Variants in DERA observed in about 807,000 individuals in gnomAD.
DERA encodes the protein deoxyribose-phosphate aldolase.
Under a neutral mutation model 41.1 loss-of-function variants are expected in DERA, and 15 were observed. The observed-to-expected ratio is 0.37, with a 90% CI of 0.24 to 0.56. DERA has a LOEUF of 0.56. DERA is among the 20% of genes least tolerant of loss of function. The pLI, the probability that DERA is intolerant of heterozygous loss-of-function variation, is 0.81. For synonymous variants in DERA, 139 were observed against 137.4 expected, an observed-to-expected ratio of 1.01 and a Z score of -0.08; for missense variants, 396 against 403.4, an observed-to-expected ratio of 0.98 and a Z score of 0.16.
intron 6 of DERA, among the ~76,000 whole-genome samples, chr12:16,030,412 G>C (rs1329551580): frequency 6.6e-6 from 1 of 152,126 alleles, no homozygotes; most frequent in East Asian, 1.9e-4. Context: ...TTACATCTAT[G>C]TGGAGGCTTT....
At chr12:15,930,334 A>G (rs1466823433) in intron 1 of DERA, among the ~76,000 whole-genome samples, 4 of 152,184 alleles carry the variant, frequency 2.6e-5, no homozygotes, top group South Asian at 4.1e-4. Context: ...CAATACCTTT[A>G]TGCTGATTTT....
intron 5 of DERA, among the ~76,000 whole-genome samples, chr12:15,980,462 A>G (rs2136161070): frequency 6.6e-6 from 1 of 152,358 alleles, no homozygotes; most frequent in South Asian, 2.1e-4. Flanking sequence ...CTTAGAAAAC[A>G]AGTTTCTTTT....
chr12:16,036,070 A>G lies in DERA; in HGVS notation c.751-162A>G, dbSNP rs1448292198. Reference sequence around the variant, plus strand: ...GAAAAGTTGTTTTGTAGTGTGAATGAGCATGAGTCACTGATCTAAGCCCTT... The same window carrying G: ...GAAAAGTTGTTTTGTAGTGTGAATGGGCATGAGTCACTGATCTAAGCCCTT... On this transcript the variant is annotated intron_variant, in intron 7 of 8. Transcript: ENST00000428559. The surrounding 1 kb of genome is among the most constrained non-coding windows in gnomAD (Gnocchi z 4.9). Among the ~76,000 whole-genome samples, 2 of 152,220 alleles carry G rather than the reference A, an allele frequency of 1.3e-5. No homozygotes were observed. Among genetic ancestry groups the G allele is most frequent in the African/African-American group, 4.8e-5 (2 of 41,460 alleles).
chr12:15,933,472 A>T (rs1271511190), intron 1 of DERA, among the ~76,000 whole-genome samples: 1 of 152,100 alleles, frequency 6.6e-6, no homozygotes, highest in Non-Finnish European at 1.5e-5. Context: ...AATGTTTGTT[A>T]TACCAAATTG....
intron 5 of DERA, among the ~76,000 whole-genome samples, chr12:15,971,508 CTTTTTTTTTTTTT>C (rs56142412): frequency 3.1e-5 from 3 of 97,048 alleles, no homozygotes; most frequent in African/African-American, 1.3e-4. Flanking sequence ...TATCTCAACT[CTTTTTTTTTTTTT>C]TTTTTTTTTT....
rs1203106138 is a variant in DERA, at chr12:15,970,773, G to C, written c.508+7826G>C. 6.6e-6 allele frequency among the ~76,000 whole-genome samples: 1 copy of C among 152,090 alleles called. No homozygotes were observed. The highest frequency in any genetic ancestry group is 2.1e-4 in the South Asian group (1 of 4,826). ...TGATTCTTTCCATGTTGTTTTCAGA[G>C]GTTGACACCAAACTACCAAGTAGAT... On this transcript the variant is annotated intron_variant, in intron 5 of 8. Coordinates refer to ENST00000428559, the MANE Select transcript of DERA (RefSeq NM_015954.4). This position sits in a 1 kb window ranked among gnomAD's most constrained non-coding sequence, Gnocchi z 4.3.
At position 16,001,967 on chromosome 12, in the gene DERA, A is replaced by T. The variant is rs1469770100; in HGVS notation, c.637+19531A>T. Among the ~76,000 whole-genome samples the T allele has an allele frequency of 2.0e-5, 3 of 152,208 alleles. No individual in the cohort carries two copies. Among genetic ancestry groups the T allele is most frequent in the African/African-American group, 7.2e-5 (3 of 41,442 alleles). ...GATAATGATTACCAGGCACTTTGTA[A>T]CAGCAAGGTTATTCTTTTTTTTTAT... is the stretch of plus-strand genomic sequence containing the variant. On this transcript the variant is annotated intron_variant, in intron 6 of 8. Coordinates refer to ENST00000428559, the MANE Select transcript of DERA (RefSeq NM_015954.4). The surrounding 1 kb of genome is among the most constrained non-coding windows in gnomAD (Gnocchi z 4.1).
rs1948650391 is a variant in DERA, at chr12:15,970,168, TTAAG to T, written c.508+7223_508+7226del. On this transcript the variant is annotated intron_variant, in intron 5 of 8. Coordinates refer to ENST00000428559, the MANE Select transcript of DERA (RefSeq NM_015954.4). This position sits in a 1 kb window ranked among gnomAD's most constrained non-coding sequence, Gnocchi z 4.3. ...TAAAAGGTTGCTGTACAATTTTATA[TTAAG>T]TGTTTTACTGTACATATAATTATCT... Among the ~76,000 whole-genome samples, 1 of 152,218 alleles carries T rather than the reference TTAAG, an allele frequency of 6.6e-6. No homozygotes were observed.
At position 15,983,327 on chromosome 12, in the gene DERA, C is replaced by T. The variant is rs1389112451; in HGVS notation, c.637+891C>T. Among the ~76,000 whole-genome samples the T allele has an allele frequency of 6.6e-6, 1 of 152,198 alleles. No homozygotes were observed. The highest frequency in any genetic ancestry group is 2.4e-5 in the African/African-American group (1 of 41,462). ...CCTTCCTAAGACCCTGGCTGTGCCTCTGCTGTGTCATTTTCCCTTCACACC... is the reference window on the plus strand; with the variant it reads ...CCTTCCTAAGACCCTGGCTGTGCCTTTGCTGTGTCATTTTCCCTTCACACC... On this transcript the variant is annotated intron_variant, in intron 6 of 8. Coordinates refer to ENST00000428559, the MANE Select transcript of DERA (RefSeq NM_015954.4). The surrounding 1 kb of genome is among the most constrained non-coding windows in gnomAD (Gnocchi z 6.2).
rs1948633256 is a variant in DERA, at chr12:15,967,817, A to G, written c.508+4870A>G. On this transcript the variant is annotated intron_variant, in intron 5 of 8. Transcript: ENST00000428559. The surrounding 1 kb of genome is among the most constrained non-coding windows in gnomAD (Gnocchi z 4.9). The stretch of plus-strand genomic sequence containing the variant: ...ATAACTACATTTCTCACTTACCACC[A>G]TAGTTTTAACCCTATAGGGTGTGGC... Among the ~76,000 whole-genome samples the G allele has an allele frequency of 6.6e-6, 1 of 152,226 alleles. No homozygotes were observed. The highest frequency in any genetic ancestry group is 1.5e-5 in the Non-Finnish European group (1 of 68,038).
In DERA at chr12:16,026,792, C is replaced by T. The variant is rs1310061444; in HGVS notation, c.638-5750C>T. ...CTCTTCCGGAAAATAGAAGAGAGAA[C>T]ACTCATTCTGTGAGACAATTACTCC... On this transcript the variant is annotated intron_variant, in intron 6 of 8. Transcript: ENST00000428559. This position sits in a 1 kb window ranked among gnomAD's most constrained non-coding sequence, Gnocchi z 4.4. Among the ~76,000 whole-genome samples, 1 of 152,008 alleles carries T rather than the reference C, an allele frequency of 6.6e-6. No homozygotes were observed. Among genetic ancestry groups the T allele is most frequent in the African/African-American group, 2.4e-5 (1 of 41,410 alleles).
rs1480471952 is a variant in DERA, at chr12:16,012,333, C to T, written c.638-20209C>T. ...GGGGCCAGCCAGCTGGGCAGTTTCCCAGTGTGCTAATCTCTAAGAGACATT... is the reference window on the plus strand; with the variant it reads ...GGGGCCAGCCAGCTGGGCAGTTTCCTAGTGTGCTAATCTCTAAGAGACATT... On this transcript the variant is annotated intron_variant, in intron 6 of 8. Coordinates refer to ENST00000428559, the MANE Select transcript of DERA (RefSeq NM_015954.4). The surrounding 1 kb of genome is among the most constrained non-coding windows in gnomAD (Gnocchi z 4.1). 6.6e-6 allele frequency among the ~76,000 whole-genome samples: 1 copy of T among 152,172 alleles called. No individual in the cohort carries two copies. The highest frequency in any genetic ancestry group is 1.5e-5 in the Non-Finnish European group (1 of 68,032).
chr12:15,955,222 C>T (rs892681932), intron 1 of DERA, among the ~76,000 whole-genome samples: 1 of 151,760 alleles, frequency 6.6e-6, no homozygotes, highest in Admixed American at 6.6e-5. Flanking sequence ...TCGTTTGAAC[C>T]CGGGAGGTGG....
chr12:15,986,333 T>C (rs1948764187), intron 6 of DERA, among the ~76,000 whole-genome samples: 1 of 152,188 alleles, frequency 6.6e-6, no homozygotes, highest in Non-Finnish European at 1.5e-5. Context: ...TTTCATGTAA[T>C]TGATATAGTA....
rs1159112225 is a variant in DERA at position 16,013,153 on chromosome 12, C to T, written c.638-19389C>T. 2.0e-5 allele frequency among the ~76,000 whole-genome samples: 3 copies of T among 152,144 alleles called. No homozygotes were observed. The highest frequency in any genetic ancestry group is 4.4e-5 in the Non-Finnish European group (3 of 68,012). On this transcript the variant is annotated intron_variant, in intron 6 of 8. Coordinates refer to ENST00000428559, the MANE Select transcript of DERA (RefSeq NM_015954.4). The surrounding 1 kb of genome is among the most constrained non-coding windows in gnomAD (Gnocchi z 5.8). ...CAGTGTGAAATTTCCAGTGTTGATA[C>T]CAGTCTTTAAAAATCATTTTAAAGA... is the stretch of plus-strand genomic sequence containing the variant.
intron 6 of DERA, among the ~76,000 whole-genome samples, chr12:15,986,617 T>C (rs539148318): frequency 6.6e-6 from 1 of 152,304 alleles, no homozygotes; most frequent in African/African-American, 2.4e-5. Flanking sequence ...TACATCCTCA[T>C]TGGTTCTTTG....
In DERA at chr12:15,943,439, A is replaced by G. The variant is rs915693374; in HGVS notation, c.32-13497A>G. On this transcript the variant is annotated intron_variant, in intron 1 of 8. Transcript: ENST00000428559. The surrounding 1 kb of genome is among the most constrained non-coding windows in gnomAD (Gnocchi z 4.5). Reference sequence around the variant, plus strand: ...GTTATTTAAAAATGTAAATCAGATCATTTCAGCCCTTGCTGAAAATTCTCT... The same window carrying G: ...GTTATTTAAAAATGTAAATCAGATCGTTTCAGCCCTTGCTGAAAATTCTCT... Among the ~76,000 whole-genome samples the G allele has an allele frequency of 6.6e-6, 1 of 152,188 alleles. No homozygotes were observed. Among genetic ancestry groups the G allele is most frequent in the Non-Finnish European group, 1.5e-5 (1 of 68,038 alleles).
chr12:15,930,969 A>G (rs1948323357), intron 1 of DERA, among the ~76,000 whole-genome samples: 2 of 152,204 alleles, frequency 1.3e-5, no homozygotes, highest in Admixed American at 1.3e-4. Flanking sequence ...AAATAGGTAC[A>G]GATATTGTAT....
rs370835045 is a variant in DERA at position 15,916,504 on chromosome 12, G to A, written c.31+5090G>A. Among the ~76,000 whole-genome samples the A allele has an allele frequency of 4.1e-3, 592 of 144,674 alleles. 5 individuals are homozygous for A. The highest frequency in any genetic ancestry group is 0.014 in the African/African-American group (542 of 38,866). 94.9% of individuals were successfully genotyped at this position (144,674 alleles called of 152,430 possible). A position where few individuals can be genotyped will look rare whatever the true frequency, so the allele number is the denominator to read the frequency against. Reference sequence around the variant, plus strand: ...CTCACTCTGTCACCCAGGCTGGAGTGCAGTGGCGCCATCTCGGCTCACTGC... The same window carrying A: ...CTCACTCTGTCACCCAGGCTGGAGTACAGTGGCGCCATCTCGGCTCACTGC... On this transcript the variant is annotated intron_variant, in intron 1 of 8. Transcript: ENST00000428559.
Sources: allele counts gnomAD v4.1 joint callset (sites outside exome capture counted in the v4.1 genomes callset), GRCh38; gene constraint gnomAD v4.1.1; non-coding constraint Gnocchi (gnomAD v3.1); transcripts MANE v1.5; gene names NCBI Gene and HGNC (gene_info 2026-07-23, HGNC 2026-07-21).